The following CNTN6 variants were observed in gnomAD, a reference collection of about 807,000 sequenced individuals.
CNTN6 encodes contactin 6, also known as contactin-6.
In CNTN6, 137 loss-of-function variants were observed where a neutral mutation model predicts 122.8. The observed-to-expected ratio is 1.12, with a 90% confidence interval of 0.97 to 1.29. The LOEUF is 1.29. Ranked by LOEUF, CNTN6 falls within the 50% of genes most tolerant of loss-of-function variation. The probability of loss-of-function intolerance (pLI) is 0.00; values close to 1 mark genes in which losing one functional copy is unlikely to be tolerated. For missense variants in CNTN6, 1,634 were observed against 1,223.4 expected (o/e 1.34, Z -5.01); for synonymous variants, 570 against 426.0 (o/e 1.34, Z -4.16).
Position 1,402,326 on chromosome 3 carries a change from C to G in CNTN6, c.2826C>G (p.Tyr942Ter). ...TACCTCATTTTATTCAGATTCTGTA[C>G]CGGCAAAACAGACAGAGTAAAACTC... ...ESEVLGYKIL[Y>*]RQNRQSKTHI... is the part of the protein sequence containing the mutation. The change falls in exon 22 of 23, where the codon TAC (tyrosine) becomes TAG (stop). Residue 942 changes from tyrosine (Y) to a stop codon, truncating the protein, a stop_gained. Transcript: ENST00000446702. LOFTEE classifies it high-confidence loss of function. 6.2e-7 allele frequency: 1 copy of G among 1,606,004 alleles called. No homozygotes were observed. Among genetic ancestry groups the G allele is most frequent in the Non-Finnish European group, 8.5e-7 (1 of 1,175,798 alleles).
chr3:1,275,321 T>A (rs183043643), intron 4 of CNTN6, among the ~76,000 whole-genome samples: 1 of 152,214 alleles, frequency 6.6e-6, no homozygotes, highest in Non-Finnish European at 1.5e-5. Flanking sequence ...ATCTGCTATC[T>A]ACTATCCACT....
intron 11 of CNTN6, among the ~76,000 whole-genome samples, chr3:1,330,421 A>G (rs1559844014): frequency 6.6e-6 from 1 of 151,886 alleles, no homozygotes; most frequent in African/African-American, 2.4e-5. Flanking sequence ...CATAATGGAT[A>G]CAGTTGAGAA....
intron 2 of CNTN6, among the ~76,000 whole-genome samples, chr3:1,204,087 G>C (rs568429010): frequency 1.3e-5 from 2 of 152,064 alleles, no homozygotes; most frequent in African/African-American, 4.8e-5. Flanking sequence ...GACACATTTC[G>C]CAGAATGCAT....
chr3:1,320,342 A>G (rs1700675644), intron 7 of CNTN6, among the ~76,000 whole-genome samples: 1 of 151,678 alleles, frequency 6.6e-6, no homozygotes, highest in African/African-American at 2.4e-5. Context: ...CTTGATGTAC[A>G]TAGGAGGATA....
At chr3:1,127,802 C>A (rs77551733) in intron 1 of CNTN6, among the ~76,000 whole-genome samples, 104 of 151,810 alleles carry the variant, frequency 6.9e-4, no homozygotes, top group African/African-American at 2.5e-3. Flanking sequence ...GCCTTTCATT[C>A]GGCCAAAGCA....
At chr3:1,277,341 G>GTTTTGTT in intron 4 of CNTN6, among the ~76,000 whole-genome samples, 1 of 66,134 alleles carries the variant, frequency 1.5e-5, no homozygotes, top group East Asian at 9.2e-4. Context: ...CTTTTAGTAG[G>GTTTTGTT]TTTTCTTTTT....
chr3:1,096,028 G>A (rs2090506357), intron 1 of CNTN6, among the ~76,000 whole-genome samples: 1 of 152,124 alleles, frequency 6.6e-6, no homozygotes, highest in South Asian at 2.1e-4. Flanking sequence ...TTTTCTATGA[G>A]TTTGCATCTT....
intron 8 of CNTN6, among the ~76,000 whole-genome samples, chr3:1,322,368 C>T (rs17037589): frequency 0.33 from 49,512 of 151,368 alleles, 8,616 homozygotes; most frequent in East Asian, 0.69. Flanking sequence ...TTAAGAGAGA[C>T]GATGAATGCA....
chr3:1,273,440 G>A lies in CNTN6; in HGVS notation c.359-4973G>A, dbSNP rs533124540. On this transcript the variant is annotated intron_variant, in intron 4 of 22. Coordinates refer to ENST00000446702, the MANE Select transcript of CNTN6 (RefSeq NM_001289080.2). ...TTACAGAGCAAAGAAAATATTCGCT[G>A]GATGCTTGTATGGCTACCTAATTCA... 8.5e-5 allele frequency among the ~76,000 whole-genome samples: 13 copies of A among 152,234 alleles called. No individual in the cohort carries two copies. In the South Asian group the frequency reaches 2.7e-3, roughly 32 times the overall value.
At chr3:1,172,826 C>T (rs893005366) in intron 2 of CNTN6, among the ~76,000 whole-genome samples, 1 of 152,192 alleles carries the variant, frequency 6.6e-6, no homozygotes, top group Non-Finnish European at 1.5e-5. Flanking sequence ...TGTCATGAGG[C>T]AAGCTGTCTC....
rs1702079203 is a variant in CNTN6 at position 1,330,025 on chromosome 3, T to C, written c.1364+90T>C. ...TTTTAGTAGGCCTTTCAAAATTTCC[T>C]CTTTTATGATAAAGTCTCATTGGCA... On this transcript the variant is annotated intron_variant, in intron 11 of 22. Coordinates refer to ENST00000446702, the MANE Select transcript of CNTN6 (RefSeq NM_001289080.2). 7 of 988,982 alleles carry C rather than the reference T, an allele frequency of 7.1e-6. No homozygotes were observed. The South Asian group carries it at 1.7e-4, about 25-fold the overall frequency. 61.3% of individuals were successfully genotyped at this position (988,982 alleles called of 1,614,324 possible).
chr3:1,402,366 A>G lies in CNTN6; in HGVS notation c.2866A>G (p.Asn956Asp). 5.0e-6 allele frequency: 8 copies of G among 1,612,184 alleles called. No homozygotes were observed. Among genetic ancestry groups the G allele is most frequent in the Non-Finnish European group, 6.8e-6 (8 of 1,178,986 alleles). The change falls in exon 22 of 23, where the codon AAC (asparagine) becomes GAC (aspartate). Residue 956 changes from asparagine (N) to aspartate (D), a missense_variant. By Grantham distance (23) the Asn-to-Asp change is conservative. Coordinates refer to ENST00000446702, the MANE Select transcript of CNTN6 (RefSeq NM_001289080.2). ...GAGTAAAACTCATATTTTGGAAACA[A>G]ACAATACATCAGCTGAGCTTCTGGT... is the stretch of plus-strand genomic sequence containing the variant. The part of the protein sequence containing the change: ...RQSKTHILET[N>D]NTSAELLVPF...
At chr3:1,374,215 T>C in intron 16 of CNTN6, 142 bp downstream of exon 16, 3 of 728,778 alleles carry the variant, frequency 4.1e-6, no homozygotes, top group Non-Finnish European at 2.1e-6. Context: ...TTTTCTTTTA[T>C]TTTTACATAC....
chr3:1,094,357 A>G (rs1055776866), intron 1 of CNTN6, among the ~76,000 whole-genome samples: 2 of 152,214 alleles, frequency 1.3e-5, no homozygotes, highest in African/African-American at 4.8e-5. Context: ...TGTGTAAAAA[A>G]AAAGAAATAC....
At chr3:1,103,118 TA>T (rs761299356) in intron 1 of CNTN6, among the ~76,000 whole-genome samples, 5 of 147,900 alleles carry the variant, frequency 3.4e-5, no homozygotes, top group East Asian at 2.0e-4. Context: ...AAAATAAAAA[TA>T]AAAAAAAAAG....
chr3:1,183,446 A>ATT (rs34388948), intron 2 of CNTN6, among the ~76,000 whole-genome samples: 5 of 148,300 alleles, frequency 3.4e-5, no homozygotes, highest in Middle Eastern at 3.4e-3. Flanking sequence ...CCATGACCAT[A>ATT]TTTTTTTTTT....
At chr3:1,388,290 C>A (rs549700197) in intron 20 of CNTN6, among the ~76,000 whole-genome samples, 4 of 147,636 alleles carry the variant, frequency 2.7e-5, no homozygotes, top group Admixed American at 2.1e-4. Flanking sequence ...AGGCACCCCC[C>A]AGCAGGGGCA....
chr3:1,332,526 G>GGAAGGAAGGAAT (rs1185468906), intron 11 of CNTN6, among the ~76,000 whole-genome samples: 1 of 149,586 alleles, frequency 6.7e-6, no homozygotes, highest in Non-Finnish European at 1.5e-5. Context: ...AAGGAAGGAA[G>GGAAGGAAGGAAT]GAAGGAGGGA....
intron 5 of CNTN6, among the ~76,000 whole-genome samples, chr3:1,280,316 G>A (rs1278882515): frequency 6.6e-6 from 1 of 152,068 alleles, no homozygotes; most frequent in Non-Finnish European, 1.5e-5. Context: ...ATCTTTTAGT[G>A]TGTGAGGCCC....
Sources: allele counts gnomAD v4.1 joint callset (sites outside exome capture counted in the v4.1 genomes callset), GRCh38; gene constraint gnomAD v4.1.1; transcripts MANE v1.5; gene names NCBI Gene and HGNC (gene_info 2026-07-23, HGNC 2026-07-21).